The following PPP2R5E variants were observed in gnomAD, a reference collection of about 807,000 sequenced individuals.
PPP2R5E encodes serine/threonine-protein phosphatase 2A 56 kDa regulatory subunit epsilon isoform.
Under a neutral mutation model 65.3 loss-of-function variants are expected in PPP2R5E, and 4 were observed. That is an observed-to-expected ratio of 0.06 (90% CI 0.03 to 0.14). The LOEUF is 0.14. PPP2R5E is among the 10% of genes least tolerant of loss of function. The pLI is 1.00. For synonymous variants in PPP2R5E, 183 were observed against 187.4 expected, an observed-to-expected ratio of 0.98 and a Z score of 0.19; for missense variants, 274 against 556.1, an observed-to-expected ratio of 0.49 and a Z score of 5.10.
At chr14:63,523,718 A>T (rs574797408) in intron 2 of PPP2R5E, among the ~76,000 whole-genome samples, 3,583 of 72,904 alleles carry the variant, frequency 0.049, 145 homozygotes, top group African/African-American at 0.23. Context: ...TAAATAAATT[A>T]AAAAAAAAAA....
chr14:63,461,081 C>T (rs2099211752), intron 2 of PPP2R5E, among the ~76,000 whole-genome samples: 1 of 152,154 alleles, frequency 6.6e-6, no homozygotes, highest in Non-Finnish European at 1.5e-5. Context: ...TAATTATTTT[C>T]CTGCCACCAA....
At chr14:63,385,459 T>C (rs8004556) in intron 11 of PPP2R5E, among the ~76,000 whole-genome samples, 26,411 of 152,132 alleles carry the variant, frequency 0.17, 3,418 homozygotes, top group East Asian at 0.49. Context: ...TTTCCTGACA[T>C]CACTTTAGCA....
intron 2 of PPP2R5E, among the ~76,000 whole-genome samples, chr14:63,483,122 T>C (rs1465482808): frequency 1.3e-5 from 2 of 152,094 alleles, no homozygotes; most frequent in African/African-American, 4.8e-5. Context: ...CTGGGCAACA[T>C]AGCAAGATCT....
Position 63,375,913 on chromosome 14 carries a change from A to T in PPP2R5E, c.*96T>A. 1.2e-6 allele frequency: 1 copy of T among 831,244 alleles called. No homozygotes were observed. The allele number at this position is 831,244 out of a possible 1,614,324, so 51.5% of individuals were successfully genotyped here. ...TAATAATGAAACAAAGGTGAAATCT[A>T]CTGTAAAGTTGCACAATACAGAAAA... On this transcript the variant is annotated 3_prime_UTR_variant, in exon 14 of 14. Coordinates refer to ENST00000337537, the MANE Select transcript of PPP2R5E (RefSeq NM_006246.5).
Position 63,539,517 on chromosome 14 carries a change from C to A in PPP2R5E, c.157+12G>T. ...ATTGAAAAAGAATGCATCACCTGGT[C>A]ATGAGCCTTACCTTTTAGCAGCGGC... On this transcript the variant is annotated intron_variant, in intron 2 of 13. Transcript: ENST00000337537. 1.2e-6 allele frequency: 2 copies of A among 1,611,586 alleles called. No individual in the cohort carries two copies. Among genetic ancestry groups the A allele is most frequent in the South Asian group, 2.2e-5 (2 of 90,568 alleles).
intron 2 of PPP2R5E, among the ~76,000 whole-genome samples, chr14:63,524,544 A>G (rs372490820): frequency 2.0e-5 from 3 of 152,180 alleles, no homozygotes; most frequent in African/African-American, 4.8e-5. Flanking sequence ...TTGAACCCAG[A>G]CCCTTTCCTA....
Position 63,463,209 on chromosome 14 carries a change from T to C in PPP2R5E, c.158-9324A>G, listed in dbSNP as rs564470821. 5.3e-3 allele frequency among the ~76,000 whole-genome samples: 796 copies of C among 150,382 alleles called. 8 individuals are homozygous for C. Among genetic ancestry groups the C allele is most frequent in the African/African-American group, 0.018 (748 of 41,098 alleles). On this transcript the variant is annotated intron_variant, in intron 2 of 13. Coordinates refer to ENST00000337537, the MANE Select transcript of PPP2R5E (RefSeq NM_006246.5). Reference sequence around the variant, plus strand: ...AGGCTGGAGGCAATGGCACAATCTCTGCTCACTGCAACCTCCGCCTACTGG... The same window carrying C: ...AGGCTGGAGGCAATGGCACAATCTCCGCTCACTGCAACCTCCGCCTACTGG...
At chr14:63,464,236 A>C (rs917364806) in intron 2 of PPP2R5E, among the ~76,000 whole-genome samples, 9 of 152,188 alleles carry the variant, frequency 5.9e-5, no homozygotes, top group Admixed American at 1.3e-4. Flanking sequence ...GGAAGAGACA[A>C]ATAATAGAAA....
At chr14:63,540,017 C>T (rs1027559050) in intron 1 of PPP2R5E, among the ~76,000 whole-genome samples, 2 of 151,370 alleles carry the variant, frequency 1.3e-5, no homozygotes, top group Admixed American at 1.3e-4. Flanking sequence ...CTCAGCTACC[C>T]GGGAGGCTGA....
intron 2 of PPP2R5E, among the ~76,000 whole-genome samples, chr14:63,482,591 C>T (rs556891488): frequency 1.7e-4 from 26 of 152,020 alleles, no homozygotes; most frequent in Non-Finnish European, 3.8e-4. Context: ...TTGGTTTACG[C>T]AAGAAAGGGG....
chr14:63,426,959 C>T (rs1159154700), intron 3 of PPP2R5E, among the ~76,000 whole-genome samples: 1 of 152,122 alleles, frequency 6.6e-6, no homozygotes, highest in African/African-American at 2.4e-5. Flanking sequence ...AGGCCAGTTG[C>T]CTTCATCAGA....
chr14:63,450,375 C>T (rs1888752709), intron 3 of PPP2R5E, among the ~76,000 whole-genome samples: 1 of 152,132 alleles, frequency 6.6e-6, no homozygotes, highest in African/African-American at 2.4e-5. Flanking sequence ...CTCAATGCCT[C>T]CTAAGATAAA....
At chr14:63,475,338 C>A (rs570946378) in intron 2 of PPP2R5E, among the ~76,000 whole-genome samples, 1 of 152,200 alleles carries the variant, frequency 6.6e-6, no homozygotes. Context: ...CAATCCGTCA[C>A]GTGAAACCAG....
chr14:63,396,119 C>T (rs1299090691), intron 6 of PPP2R5E, among the ~76,000 whole-genome samples: 1 of 8,302 alleles, frequency 1.2e-4, no homozygotes, highest in Non-Finnish European at 2.2e-4. Flanking sequence ...AGGAGGAGAG[C>T]GGGGAGGAGA....
At chr14:63,423,862 T>C (rs1887177693) in intron 3 of PPP2R5E, among the ~76,000 whole-genome samples, 1 of 152,220 alleles carries the variant, frequency 6.6e-6, no homozygotes, top group South Asian at 2.1e-4. Context: ...AAAGCCACAA[T>C]TATCCCCATT....
intron 2 of PPP2R5E, among the ~76,000 whole-genome samples, chr14:63,522,698 C>T (rs1397173926): frequency 1.3e-5 from 2 of 150,290 alleles, no homozygotes; most frequent in Non-Finnish European, 3.0e-5. Context: ...AGGAGAGGAG[C>T]GTCTCTGCCC....
intron 3 of PPP2R5E, among the ~76,000 whole-genome samples, chr14:63,449,565 G>A (rs749336206): frequency 2.0e-5 from 3 of 152,140 alleles, no homozygotes; most frequent in Non-Finnish European, 4.4e-5. Flanking sequence ...CAAGTGGGAC[G>A]TGGTTCCAGT....
chr14:63,543,227 G>T lies in PPP2R5E; in HGVS notation c.-456C>A. On this transcript the variant is annotated 5_prime_UTR_variant, in exon 1 of 14. Transcript: ENST00000337537. The stretch of plus-strand genomic sequence containing the variant: ...GCAAGAGAAGGGGACAGAATAAGGA[G>T]GAGGAGCCGCAGGAGCTGGAGCCGC... 1 of 153,638 alleles carries T rather than the reference G, an allele frequency of 6.5e-6. No homozygotes were observed. The allele number at this position is 153,638 out of a possible 1,614,324, so 9.5% of individuals were successfully genotyped here. A position where few individuals can be genotyped will look rare whatever the true frequency, so the allele number is the denominator to read the frequency against.
chr14:63,409,034 C>A (rs548373931), intron 5 of PPP2R5E, among the ~76,000 whole-genome samples: 75 of 152,076 alleles, frequency 4.9e-4, no homozygotes, highest in Non-Finnish European at 9.6e-4. Context: ...GAGTTTAAGA[C>A]CAGCCTGACC....
Sources: gnomAD v4.1 joint callset for allele counts (sites outside exome capture counted in the v4.1 genomes callset) on GRCh38, gnomAD v4.1.1 for gene constraint, MANE v1.5 for transcripts, NCBI Gene and HGNC (gene_info 2026-07-23, HGNC 2026-07-21) for gene names.